PRDM10: variants seen among roughly 807,000 people sequenced by gnomAD.
PRDM10 encodes the protein PR/SET domain 10, also known as PR domain zinc finger protein 10.
In PRDM10, 65 loss-of-function variants were observed where a neutral mutation model predicts 133.1. The ratio of observed to expected loss-of-function variants is 0.49; its 90% CI spans 0.40 to 0.60. The LOEUF (loss-of-function observed/expected upper bound fraction) is 0.60, where lower values mean the gene tolerates loss of function less well. Among genes scored for constraint, PRDM10 ranks in the 20% least tolerant of loss-of-function variants. The probability of loss-of-function intolerance (pLI) is 0.00; values close to 1 mark genes in which losing one functional copy is unlikely to be tolerated. For missense variants in PRDM10, 1,137 were observed against 1,507.1 expected, an observed-to-expected ratio of 0.75 and a Z score of 4.07; for synonymous variants, 582 against 580.4, an observed-to-expected ratio of 1.00 and a Z score of -0.04.
At chr11:129,932,285 C>G (rs1330423393) in intron 9 of PRDM10, 54 bp from the exon 10 acceptor site, 1 of 1,587,496 alleles carries the variant, frequency 6.3e-7, no homozygotes, top group African/African-American at 1.3e-5. Flanking sequence ...TACTCCATAA[C>G]AAGTAGCGAC....
At position 129,912,254 on chromosome 11, in the gene PRDM10, C is replaced by G. The variant is rs201485945; in HGVS notation, c.2842-29G>C. ...GAAGGAGAAAAAACAGGCCCAGAAA[C>G]CAGACATATATTGATTGAAGTTAAG... On this transcript the variant is annotated intron_variant, in intron 17 of 20. Coordinates refer to ENST00000360871, the MANE Select transcript of PRDM10 (RefSeq NM_199437.2). 2.4e-4 allele frequency: 354 copies of G among 1,493,348 alleles called. 4 individuals carry two copies. The African/African-American group carries it at 4.4e-3, about 19-fold the overall frequency. The allele number at this position is 1,493,348 out of a possible 1,614,324, so 92.5% of individuals were successfully genotyped here. A position where few individuals can be genotyped will look rare whatever the true frequency, so the allele number is the denominator to read the frequency against.
chr11:129,955,975 T>G (rs777013023), intron 3 of PRDM10, among the ~76,000 whole-genome samples: 1 of 152,194 alleles, frequency 6.6e-6, no homozygotes, highest in Non-Finnish European at 1.5e-5. Flanking sequence ...TGGATGGAGA[T>G]AGACAGGCAT....
At position 129,925,127 on chromosome 11, in the gene PRDM10, A is replaced by G; in HGVS notation, c.1633T>C (p.Leu545=). The G allele has an allele frequency of 1.2e-6, 2 of 1,614,210 alleles. No individual in the cohort carries two copies. Among genetic ancestry groups the G allele is most frequent in the Non-Finnish European group, 1.7e-6 (2 of 1,180,050 alleles). ...TTCCCCTCCCGCCCATGGAAGCGTAAGTGCTGGTCCAGTTTGTCCTTTTCC... is the reference window on the plus strand; with the variant it reads ...TTCCCCTCCCGCCCATGGAAGCGTAGGTGCTGGTCCAGTTTGTCCTTTTCC... ...FREKDKLDQH[L]RFHGREGNCP... is the part of the protein sequence containing the mutation. The change falls in exon 12 of 21, where the codon TTA becomes CTA. Residue 545 remains leucine, a synonymous_variant. Transcript: ENST00000360871.
At chr11:129,912,037 T>A in intron 18 of PRDM10, 48 bp downstream of exon 18, 1 of 1,510,580 alleles carries the variant, frequency 6.6e-7, no homozygotes, top group African/African-American at 1.4e-5. Context: ...ACTCTGATAA[T>A]CCCTGAAGCC....
At chr11:129,964,824 G>A (rs1329691772) in intron 1 of PRDM10, among the ~76,000 whole-genome samples, 3 of 152,112 alleles carry the variant, frequency 2.0e-5, no homozygotes, top group Admixed American at 6.5e-5. Flanking sequence ...AGATACTAGC[G>A]CAGTTAAAGT....
At chr11:129,944,287 C>T (rs1951316911) in intron 6 of PRDM10, among the ~76,000 whole-genome samples, 1 of 152,154 alleles carries the variant, frequency 6.6e-6, no homozygotes, top group Non-Finnish European at 1.5e-5. Context: ...TCATATAACG[C>T]CTTCAGGCAC....
chr11:129,928,106 G>T (rs2055926692), intron 11 of PRDM10, among the ~76,000 whole-genome samples: 1 of 152,094 alleles, frequency 6.6e-6, no homozygotes, highest in South Asian at 2.1e-4. Flanking sequence ...AAAGTTTAGG[G>T]GGTTTGTTTG....
At chr11:129,994,853 C>G (rs1938964746) in intron 1 of PRDM10, among the ~76,000 whole-genome samples, 1 of 152,056 alleles carries the variant, frequency 6.6e-6, no homozygotes, top group African/African-American at 2.4e-5. Flanking sequence ...CAGGGCTTCA[C>G]CGCGTTAGCC....
At chr11:129,953,011 T>C (rs1951617755) in intron 4 of PRDM10, among the ~76,000 whole-genome samples, 1 of 151,958 alleles carries the variant, frequency 6.6e-6, no homozygotes, top group African/African-American at 2.4e-5. Flanking sequence ...CTCACTCTTA[T>C]CGCCCAAGCT....
intron 4 of PRDM10, among the ~76,000 whole-genome samples, chr11:129,952,027 G>T (rs905330615): frequency 6.6e-6 from 1 of 152,066 alleles, no homozygotes; most frequent in African/African-American, 2.4e-5. Context: ...CAACCACTGA[G>T]GTGTTATAAC....
intron 9 of PRDM10, among the ~76,000 whole-genome samples, chr11:129,933,376 C>G (rs1214493190): frequency 1.2e-4 from 19 of 152,130 alleles, no homozygotes; most frequent in Admixed American, 1.2e-3. Context: ...CACCACTTGC[C>G]CACACACATA....
At chr11:129,972,494 G>A (rs530069606) in intron 1 of PRDM10, among the ~76,000 whole-genome samples, 54 of 152,330 alleles carry the variant, frequency 3.5e-4, no homozygotes, top group African/African-American at 1.3e-3. Context: ...AGACACCTCT[G>A]TCCAGCTCTA....
chr11:129,974,301 G>T (rs1937639130), intron 1 of PRDM10, among the ~76,000 whole-genome samples: 1 of 151,928 alleles, frequency 6.6e-6, no homozygotes, highest in East Asian at 1.9e-4. Flanking sequence ...AGAAACTAGG[G>T]GAAAGAAAGG....
chr11:129,966,431 G>C (rs1283927336), intron 1 of PRDM10, among the ~76,000 whole-genome samples: 1 of 152,158 alleles, frequency 6.6e-6, no homozygotes, highest in Non-Finnish European at 1.5e-5. Flanking sequence ...CCAGGTGGCA[G>C]TCAGGACATA....
At chr11:129,995,161 G>C (rs557439840) in intron 1 of PRDM10, among the ~76,000 whole-genome samples, 2 of 152,276 alleles carry the variant, frequency 1.3e-5, no homozygotes, top group South Asian at 4.1e-4. Context: ...TTTATCCAGT[G>C]ATAAAGTACT....
chr11:129,981,642 T>C (rs953217189), intron 1 of PRDM10, among the ~76,000 whole-genome samples: 9 of 152,032 alleles, frequency 5.9e-5, no homozygotes, highest in Admixed American at 2.6e-4. Flanking sequence ...ATGACTGCAA[T>C]CCCAGCACTT....
At chr11:129,988,881 G>A (rs959133598) in intron 1 of PRDM10, among the ~76,000 whole-genome samples, 4 of 140,940 alleles carry the variant, frequency 2.8e-5, no homozygotes, top group East Asian at 1.9e-4. Flanking sequence ...CGCCCGCCTT[G>A]GCCTCCCAAA....
intron 6 of PRDM10, among the ~76,000 whole-genome samples, chr11:129,943,436 C>T (rs564738950): frequency 2.3e-4 from 35 of 152,328 alleles, no homozygotes; most frequent in Admixed American, 1.7e-3. Context: ...TTCTCAAAAT[C>T]CATGTTGAAG....
intron 6 of PRDM10, 116 bp downstream of exon 6, chr11:129,944,655 G>T: frequency 7.2e-7 from 1 of 1,393,198 alleles, no homozygotes; most frequent in Non-Finnish European, 9.8e-7. Flanking sequence ...AAGATAGAAA[G>T]AAGAATACTA....
Sources: allele counts gnomAD v4.1 joint callset (sites outside exome capture counted in the v4.1 genomes callset), GRCh38; gene constraint gnomAD v4.1.1; transcripts MANE v1.5; gene names NCBI Gene and HGNC (gene_info 2026-07-23, HGNC 2026-07-21).